Variants in KCNK9 observed in about 807,000 individuals in gnomAD.
KCNK9 encodes potassium two pore domain channel subfamily K member 9.
In KCNK9, 1 loss-of-function variant was observed where a neutral mutation model predicts 10.8. The ratio of observed to expected loss-of-function variants is 0.09; its 90% CI spans 0.03 to 0.44. The LOEUF (loss-of-function observed/expected upper bound fraction) is 0.44, where lower values mean the gene tolerates loss of function less well. Among genes scored for constraint, KCNK9 ranks in the 20% least tolerant of loss-of-function variants. KCNK9 has a pLI of 0.97. For missense variants in KCNK9, 303 were observed against 515.0 expected (o/e 0.59, Z 3.98); for synonymous variants, 231 against 222.7 (o/e 1.04, Z -0.33).
At chr8:139,619,132 C>G in intron 1 of KCNK9, 33 bp from the exon 2 acceptor site, 1 of 1,611,782 alleles carries the variant, frequency 6.2e-7, no homozygotes, top group Non-Finnish European at 8.5e-7. Flanking sequence ...ACAGAGAGAG[C>G]AAGTGAGGAG....
intron 1 of KCNK9, among the ~76,000 whole-genome samples, chr8:139,632,043 G>T (rs1055205675): frequency 6.6e-6 from 1 of 152,204 alleles, no homozygotes; most frequent in African/African-American, 2.4e-5. Context: ...CATAAAACCC[G>T]ATGCCTCTTG....
chr8:139,606,994 A>C (rs377283637), intron 2 of KCNK9, among the ~76,000 whole-genome samples: 10 of 152,284 alleles, frequency 6.6e-5, no homozygotes, highest in African/African-American at 2.4e-4. Context: ...CACACACACA[A>C]AACGGCTGTC....
At chr8:139,628,649 T>G (rs1354296671) in intron 1 of KCNK9, among the ~76,000 whole-genome samples, 1 of 152,242 alleles carries the variant, frequency 6.6e-6, no homozygotes, top group Non-Finnish European at 1.5e-5. Flanking sequence ...TTTTATTTAA[T>G]GAAAGCAATT....
In KCNK9 at chr8:139,617,137, T is replaced by G. The variant is rs1814621762; in HGVS notation, c.*1121A>C. ...GAGACGATATTTCTTGAAATAGATA[T>G]GTATTTTTAATGAGGAATGCCCTGT... On this transcript the variant is annotated 3_prime_UTR_variant, in exon 2 of 2. Coordinates refer to ENST00000520439, the MANE Select transcript of KCNK9 (RefSeq NM_001282534.2). 1 of 152,186 alleles carries G rather than the reference T, an allele frequency of 6.6e-6. No homozygotes were observed. Among genetic ancestry groups the G allele is most frequent in the African/African-American group, 2.4e-5 (1 of 41,434 alleles). 9.4% of individuals were successfully genotyped at this position (152,186 alleles called of 1,614,324 possible). A position where few individuals can be genotyped will look rare whatever the true frequency, so the allele number is the denominator to read the frequency against.
At chr8:139,606,833 T>C (rs1272779399) in intron 2 of KCNK9, among the ~76,000 whole-genome samples, 1 of 152,182 alleles carries the variant, frequency 6.6e-6, no homozygotes, top group Non-Finnish European at 1.5e-5. Context: ...CAAGTGGGGG[T>C]TAATCTGTTT....
At chr8:139,664,890 G>T (rs1816259622) in intron 1 of KCNK9, among the ~76,000 whole-genome samples, 1 of 152,030 alleles carries the variant, frequency 6.6e-6, no homozygotes, top group African/African-American at 2.4e-5. Flanking sequence ...TGTGGCTTTT[G>T]CAGAAGGGAG....
chr8:139,672,182 T>C (rs1045613098), intron 1 of KCNK9, among the ~76,000 whole-genome samples: 9 of 152,156 alleles, frequency 5.9e-5, no homozygotes, highest in African/African-American at 1.7e-4. Context: ...TGGAGGTGGC[T>C]TTCTGGGTTC....
rs1814653083 is a variant in KCNK9, at chr8:139,618,010, A to C, written c.*248T>G. The C allele has an allele frequency of 1.9e-6, 1 of 520,258 alleles. No individual in the cohort carries two copies. Among genetic ancestry groups the C allele is most frequent in the African/African-American group, 1.9e-5 (1 of 52,172 alleles). The allele number at this position is 520,258 out of a possible 1,614,324, so 32.2% of individuals were successfully genotyped here. A position where few individuals can be genotyped will look rare whatever the true frequency, so the allele number is the denominator to read the frequency against. On this transcript the variant is annotated 3_prime_UTR_variant, in exon 2 of 2. Transcript: ENST00000520439. This position sits in a 1 kb window ranked among gnomAD's most constrained non-coding sequence, Gnocchi z 7.9. ...AGGCATAGTCTGCTGGGAAGGAAGG[A>C]GGAGATCCATGCTTCATGCTCAGAT...
intron 1 of KCNK9, among the ~76,000 whole-genome samples, chr8:139,680,827 C>G (rs1296335460): frequency 6.6e-6 from 1 of 152,120 alleles, no homozygotes; most frequent in Non-Finnish European, 1.5e-5. Context: ...AGAGCCATGC[C>G]CCCTCTCTCT....
intron 1 of KCNK9, among the ~76,000 whole-genome samples, chr8:139,661,297 TCCCCCCA>T (rs1181274188): frequency 6.6e-6 from 1 of 152,068 alleles, no homozygotes; most frequent in Admixed American, 6.5e-5. Flanking sequence ...AGTGTGGGGA[TCCCCCCA>T]CCCCAACTCA....
At chr8:139,688,438 G>T (rs1347060893) in intron 1 of KCNK9, among the ~76,000 whole-genome samples, 1 of 152,220 alleles carries the variant, frequency 6.6e-6, no homozygotes, top group East Asian at 1.9e-4. Context: ...GTGAGTGCAA[G>T]AACGAGGAAG....
At chr8:139,668,997 T>C (rs1419180797) in intron 1 of KCNK9, among the ~76,000 whole-genome samples, 1 of 152,226 alleles carries the variant, frequency 6.6e-6, no homozygotes, top group Non-Finnish European at 1.5e-5. Context: ...ACACACATTT[T>C]TTGATTTCTC....
In KCNK9 at chr8:139,660,433, G is replaced by A. The variant is rs202072204; in HGVS notation, c.284-41334C>T. On this transcript the variant is annotated intron_variant, in intron 1 of 1. Transcript: ENST00000520439. ...CAGCCTGACCAATGTCGTGAAACCC[G>A]TCTCTGCTAAAAAAAAATATATATA... Among the ~76,000 whole-genome samples the A allele has an allele frequency of 6.9e-5, 9 of 129,658 alleles. No individual in the cohort carries two copies. In the East Asian group the frequency reaches 1.4e-3, roughly 21 times the overall value. 85.1% of individuals were successfully genotyped at this position (129,658 alleles called of 152,430 possible). A position where few individuals can be genotyped will look rare whatever the true frequency, so the allele number is the denominator to read the frequency against.
At chr8:139,672,752 G>C (rs1013908028) in intron 1 of KCNK9, among the ~76,000 whole-genome samples, 1 of 152,202 alleles carries the variant, frequency 6.6e-6, no homozygotes, top group African/African-American at 2.4e-5. Flanking sequence ...CCAGAGACAG[G>C]AGCCGCATGG....
rs540012571 is a variant in KCNK9 at position 139,693,704 on chromosome 8, G to T, written c.283+9006C>A. Among the ~76,000 whole-genome samples the T allele has an allele frequency of 3.3e-5, 5 of 152,306 alleles. No homozygotes were observed. Among genetic ancestry groups the T allele is most frequent in the African/African-American group, 4.8e-5 (2 of 41,568 alleles). On this transcript the variant is annotated intron_variant, in intron 1 of 1. Transcript: ENST00000520439. The surrounding 1 kb of genome is among the most constrained non-coding windows in gnomAD (Gnocchi z 4.1). ...TGGGGAAAAGAGGAAGGCAGAGCCGGACTCAGGGCAGAAGGTGTGGGAACA... is the reference window on the plus strand; with the variant it reads ...TGGGGAAAAGAGGAAGGCAGAGCCGTACTCAGGGCAGAAGGTGTGGGAACA...
At chr8:139,601,574 G>A (rs1015906972) in exon 3 of KCNK9, 9 of 152,290 alleles carry the variant, frequency 5.9e-5, no homozygotes, top group African/African-American at 1.7e-4. Context: ...AGCTGTCCCC[G>A]TCCTCTGTTG....
At chr8:139,620,239 G>A (rs897423157) in intron 1 of KCNK9, among the ~76,000 whole-genome samples, 1 of 149,236 alleles carries the variant, frequency 6.7e-6, no homozygotes, top group Non-Finnish European at 1.5e-5. Flanking sequence ...GTGTTTTTTT[G>A]GACAGAAATT....
chr8:139,624,762 A>C (rs1367629179), intron 1 of KCNK9, among the ~76,000 whole-genome samples: 3 of 151,982 alleles, frequency 2.0e-5, no homozygotes, highest in African/African-American at 7.3e-5. Context: ...CACCCGGCCC[A>C]CCTCCACAGT....
At chr8:139,660,302 C>T (rs1033705882) in intron 1 of KCNK9, among the ~76,000 whole-genome samples, 19 of 152,012 alleles carry the variant, frequency 1.2e-4, no homozygotes, top group African/African-American at 4.1e-4. Context: ...CTCCTCCATA[C>T]GATGCATTAA....
Sources: allele counts gnomAD v4.1 joint callset (sites outside exome capture counted in the v4.1 genomes callset), GRCh38; gene constraint gnomAD v4.1.1; non-coding constraint Gnocchi (gnomAD v3.1); transcripts MANE v1.5; gene names NCBI Gene and HGNC (gene_info 2026-07-23, HGNC 2026-07-21).